Variants in CNGA4 observed in about 807,000 individuals in gnomAD.
CNGA4 encodes cyclic nucleotide gated channel subunit alpha 4.
Under a neutral mutation model 45.6 loss-of-function variants are expected in CNGA4, and 32 were observed. The observed-to-expected ratio is 0.70, with a 90% confidence interval of 0.53 to 0.94. CNGA4 has a LOEUF of 0.94. CNGA4 is among the 40% of genes least tolerant of loss of function. CNGA4 has a pLI of 0.00. For missense variants in CNGA4, 726 were observed against 755.1 expected (o/e 0.96, Z 0.45); for synonymous variants, 293 against 304.6 (o/e 0.96, Z 0.40).
Position 6,243,980 on chromosome 11 carries a change from C to T in CNGA4, c.1299C>T (p.Asn433=), listed in dbSNP as rs1482311133. 1.9e-6 allele frequency: 3 copies of T among 1,613,964 alleles called. No homozygotes were observed. Among genetic ancestry groups the T allele is most frequent in the Admixed American group, 1.7e-5 (1 of 60,020 alleles). ...GNMSGNRRTA[N]IKSLGYSDLF... ...TGTCTGGGAACCGCCGCACAGCCAA[C>T]ATCAAGAGCCTAGGTTATTCAGACC... The change falls in exon 6 of 6, where the codon AAC becomes AAT. Residue 433 remains asparagine, a synonymous_variant. Transcript: ENST00000379936.
rs770277700 is a variant in CNGA4, at chr11:6,240,230, C to G, written c.436C>G (p.Arg146Gly). ...CACCCTGAGGCTGAACCGCTTTCTC[C>G]GCGCGCCCCGCCTCTTCGAGGCCTT... ...TPTLRLNRFL[R>G]APRLFEAFDR... The change falls in exon 4 of 6, where the codon CGC becomes GGC. Residue 146 changes from arginine to glycine, a missense_variant. Transcript: ENST00000379936. This position sits in a 1 kb window ranked among gnomAD's most constrained non-coding sequence, Gnocchi z 4.9. 8 of 1,614,096 alleles carry G rather than the reference C, an allele frequency of 5.0e-6. No homozygotes were observed. Among genetic ancestry groups the G allele is most frequent in the Non-Finnish European group, 6.8e-6 (8 of 1,180,026 alleles).
chr11:6,241,763 G>A lies in CNGA4; in HGVS notation c.1250G>A (p.Ser417Asn). Residue 417 changes from serine to asparagine, a missense_variant, in exon 5 of 6, where the codon AGC becomes AAC. Ser to Asn is a conservative substitution (Grantham distance 46, BLOSUM62 1). Transcript: ENST00000379936. ...GCAGGGCTCTACTTTGGGGAGATCAGCATCATCAACATCAAAGGTGGGTAT... is the reference window on the plus strand; with the variant it reads ...GCAGGGCTCTACTTTGGGGAGATCAACATCATCAACATCAAAGGTGGGTAT... ...LGAGLYFGEI[S>N]IINIKGNMSG... 6.2e-7 allele frequency: 1 copy of A among 1,614,118 alleles called. No homozygotes were observed. The highest frequency in any genetic ancestry group is 1.1e-5 in the South Asian group (1 of 91,078).
rs1195399932 is a variant in CNGA4, at chr11:6,239,390, G to T, written c.69G>T (p.Leu23Phe). 1.2e-6 allele frequency: 2 copies of T among 1,614,094 alleles called. No homozygotes were observed. Among genetic ancestry groups the T allele is most frequent in the South Asian group, 1.1e-5 (1 of 91,082 alleles). ...SPPAPSKARK[L>F]LPVLDPSGDY... is the part of the protein sequence containing the mutation. ...AAGACTTTCTTTCTTACAGGAAGTT[G>T]CTGCCTGTCCTGGACCCATCTGGGG... is the stretch of plus-strand genomic sequence containing the variant. Residue 23 changes from leucine to phenylalanine, a missense_variant, in exon 2 of 6, where the codon TTG becomes TTT. Physicochemically the swap from Leu to Phe is conservative, Grantham distance 22. Transcript: ENST00000379936.
At chr11:6,241,860 T>C (rs773595466) in intron 5 of CNGA4, 80 bp downstream of exon 5, 12 of 1,318,008 alleles carry the variant, frequency 9.1e-6, no homozygotes, top group Non-Finnish European at 1.1e-5. Flanking sequence ...TGGGACCAGA[T>C]AGTACTTCAG....
chr11:6,239,943 A>G (rs954026550), intron 3 of CNGA4, 123 bp from the exon 4 acceptor site: 6 of 1,401,852 alleles, frequency 4.3e-6, no homozygotes, highest in Admixed American at 4.2e-5. Flanking sequence ...GAAAGCCGGG[A>G]GCAGAGTTAT....
intron 5 of CNGA4, among the ~76,000 whole-genome samples, chr11:6,242,404 C>G (rs1211174907): frequency 2.0e-5 from 3 of 152,080 alleles, no homozygotes; most frequent in African/African-American, 7.2e-5. Flanking sequence ...TTCCTCTCAT[C>G]AGCCCTGTGC....
chr11:6,234,802 T>G (rs1395383020), upstream of CNGA4: 1 of 152,048 alleles, frequency 6.6e-6, no homozygotes, highest in Non-Finnish European at 1.5e-5. Context: ...AAGGGCGGGG[T>G]CGCCGACGGC....
chr11:6,241,312 C>A, intron 4 of CNGA4, 119 bp from the exon 5 acceptor site: 4 of 780,402 alleles, frequency 5.1e-6, no homozygotes, highest in East Asian at 2.5e-5. Context: ...ACTCCCATGA[C>A]CCCTGTTAGA....
upstream of CNGA4, among the ~76,000 whole-genome samples, chr11:6,236,491 G>C (rs1245479069): frequency 6.6e-6 from 1 of 152,070 alleles, no homozygotes; most frequent in African/African-American, 2.4e-5. Flanking sequence ...TTGATGATTG[G>C]GTGGATATAA....
Position 6,240,846 on chromosome 11 carries a change from C to A in CNGA4, c.917+135C>A. 1 of 1,129,160 alleles carries A rather than the reference C, an allele frequency of 8.9e-7. No homozygotes were observed. Among genetic ancestry groups the A allele is most frequent in the Non-Finnish European group, 1.2e-6 (1 of 801,392 alleles). The allele number at this position is 1,129,160 out of a possible 1,614,324, so 69.9% of individuals were successfully genotyped here. On this transcript the variant is annotated intron_variant, in intron 4 of 5. Coordinates refer to ENST00000379936, the MANE Select transcript of CNGA4 (RefSeq NM_001037329.4). This position sits in a 1 kb window ranked among gnomAD's most constrained non-coding sequence, Gnocchi z 4.9. ...TAGCATTCAGCCGTGGGTTTGCTGG[C>A]TGGGGCTTGGAAAAAGGGAACTTCT... is the stretch of plus-strand genomic sequence containing the variant.
chr11:6,237,705 C>T (rs771174666), upstream of CNGA4, among the ~76,000 whole-genome samples: 208 of 152,204 alleles, frequency 1.4e-3, 1 homozygote, highest in African/African-American at 4.8e-3. Context: ...TTTTAACAAG[C>T]GTAATACTTT....
At chr11:6,242,069 A>T in intron 5 of CNGA4, 1 of 471,048 alleles carries the variant, frequency 2.1e-6, no homozygotes, top group Non-Finnish European at 3.7e-6. Context: ...ACAGTGATAG[A>T]GATAATAATA....
chr11:6,244,416 C>G lies in CNGA4; in HGVS notation c.*7C>G. 6.3e-7 allele frequency: 1 copy of G among 1,599,344 alleles called. No homozygotes were observed. The highest frequency in any genetic ancestry group is 1.1e-5 in the South Asian group (1 of 89,434). Reference sequence around the variant, plus strand: ...ACCCCCAGGTCCAGAGTGACCCCATCCCCATCCCCAGGATTCCCACCTCCT... The same window carrying G: ...ACCCCCAGGTCCAGAGTGACCCCATGCCCATCCCCAGGATTCCCACCTCCT... On this transcript the variant is annotated 3_prime_UTR_variant, in exon 6 of 6. Coordinates refer to ENST00000379936, the MANE Select transcript of CNGA4 (RefSeq NM_001037329.4). This position sits in a 1 kb window ranked among gnomAD's most constrained non-coding sequence, Gnocchi z 4.5.
At chr11:6,235,365 C>T (rs926413223), upstream of CNGA4, 6 of 523,062 alleles carry the variant, frequency 1.1e-5, no homozygotes, top group Admixed American at 6.4e-5. Context: ...GAATAAGTGC[C>T]TGCATGCCCA....
chr11:6,240,143 T>G lies in CNGA4; in HGVS notation c.349T>G (p.Leu117Val). 1 of 1,614,206 alleles carries G rather than the reference T, an allele frequency of 6.2e-7. No homozygotes were observed. ...CTACGTTCGCACCTGGAGTTTCTTC[T>G]TGGACCTGGCTTCCCTGATGCCCAC... ...SRYVRTWSFFLDLASLMPTDV... is the reference protein window; with the variant it reads ...SRYVRTWSFFVDLASLMPTDV... The change falls in exon 4 of 6, where the codon TTG (leucine) becomes GTG (valine). Residue 117 changes from leucine to valine, a missense_variant. Leu to Val is a conservative substitution (Grantham distance 32). Coordinates refer to ENST00000379936, the MANE Select transcript of CNGA4 (RefSeq NM_001037329.4). The surrounding 1 kb of genome is among the most constrained non-coding windows in gnomAD (Gnocchi z 4.9).
At position 6,241,551 on chromosome 11, in the gene CNGA4, G is replaced by T. The variant is rs1248514530; in HGVS notation, c.1038G>T (p.Val346=). The change falls in exon 5 of 6, where the codon GTG becomes GTT. Residue 346 remains valine (V), a synonymous_variant. Coordinates refer to ENST00000379936, the MANE Select transcript of CNGA4 (RefSeq NM_001037329.4). ...TGCACCTGTCCACTCTGAGCCGGGT[G>T]CAGATCTTTCAGAACTGTGAGGCCA... ...VSVHLSTLSR[V]QIFQNCEASL... is the part of the protein sequence containing the mutation. 1 of 1,614,224 alleles carries T rather than the reference G, an allele frequency of 6.2e-7. No homozygotes were observed. The highest frequency in any genetic ancestry group is 1.7e-5 in the Admixed American group (1 of 60,034).
At chr11:6,241,894 C>T in intron 5 of CNGA4, 114 bp downstream of exon 5, 2 of 908,850 alleles carry the variant, frequency 2.2e-6, no homozygotes, top group South Asian at 1.5e-5. Context: ...ATTGAGGAAA[C>T]CTGGCCCTTC....
chr11:6,235,146 A>G (rs1205045882), upstream of CNGA4, among the ~76,000 whole-genome samples: 1 of 152,102 alleles, frequency 6.6e-6, no homozygotes, highest in African/African-American at 2.4e-5. Flanking sequence ...CTATCACGAA[A>G]AGAGAGGAGG....
Position 6,241,768 on chromosome 11 carries a change from A to G in CNGA4, c.1255A>G (p.Ile419Val), listed in dbSNP as rs1384612719. The change falls in exon 5 of 6, where the codon ATC becomes GTC. Residue 419 changes from isoleucine (I) to valine (V), a missense_variant. Ile to Val is a conservative substitution (Grantham distance 29). Transcript: ENST00000379936. Reference sequence around the variant, plus strand: ...GCTCTACTTTGGGGAGATCAGCATCATCAACATCAAAGGTGGGTATCCCAG... The same window carrying G: ...GCTCTACTTTGGGGAGATCAGCATCGTCAACATCAAAGGTGGGTATCCCAG... ...AGLYFGEISI[I>V]NIKGNMSGNR... The G allele has an allele frequency of 2.5e-6, 4 of 1,613,956 alleles. No individual in the cohort carries two copies. Among genetic ancestry groups the G allele is most frequent in the Non-Finnish European group, 3.4e-6 (4 of 1,179,942 alleles).
Sources: gnomAD v4.1 joint callset for allele counts (sites outside exome capture counted in the v4.1 genomes callset) on GRCh38, gnomAD v4.1.1 for gene constraint, Gnocchi (gnomAD v3.1) non-coding constraint, MANE v1.5 for transcripts, NCBI Gene and HGNC (gene_info 2026-07-23, HGNC 2026-07-21) for gene names.